TMEM114: variants seen among roughly 807,000 people sequenced by gnomAD.
The protein encoded by TMEM114 is claudin-26.
A neutral mutation model predicts 6.2 loss-of-function variants in TMEM114; 6 were observed. The ratio of observed to expected loss-of-function variants is 0.97; its 90% confidence interval spans 0.53 to 1.91. The LOEUF (loss-of-function observed/expected upper bound fraction) is 1.91, where lower values mean the gene tolerates loss of function less well. TMEM114 is among the 40% of genes most tolerant of loss of function. TMEM114 has a pLI of 0.01. For missense variants in TMEM114, 218 were observed against 158.3 expected (o/e 1.38, Z -2.02); for synonymous variants, 104 against 73.0 (o/e 1.42, Z -2.16).
At chr16:8,530,336 G>A in the TMEM114 span, among the ~76,000 whole-genome samples, 8 of 152,160 alleles carry the variant, frequency 5.3e-5, no homozygotes, top group African/African-American at 1.9e-4. Flanking sequence ...TATCCCTGTG[G>A]GACCTTGGAC....
chr16:8,562,600 GTGAGTGAGTGAA>G (rs1471406441), intron 2 of TMEM114, among the ~76,000 whole-genome samples: 70 of 151,196 alleles, frequency 4.6e-4, no homozygotes, highest in Non-Finnish European at 7.2e-4. Context: ...AAGTGAATGA[GTGAGTGAGTGAA>G]TGAGTGAGTG....
chr16:8,568,748 C>T (rs1901626551), downstream of TMEM114, among the ~76,000 whole-genome samples: 1 of 152,230 alleles, frequency 6.6e-6, no homozygotes, highest in African/African-American at 2.4e-5. Context: ...AACAGAATCT[C>T]AGCCATGGTT....
At chr16:8,528,373 T>C in the TMEM114 span, among the ~76,000 whole-genome samples, 1 of 152,210 alleles carries the variant, frequency 6.6e-6, no homozygotes, top group South Asian at 2.1e-4. Context: ...ACCTGGCTCA[T>C]GCACCATGCT....
At chr16:8,561,831 A>C (rs539665507) in intron 2 of TMEM114, among the ~76,000 whole-genome samples, 1 of 152,032 alleles carries the variant, frequency 6.6e-6, no homozygotes, top group African/African-American at 2.4e-5. Context: ...TGAATGAGTG[A>C]GTGAATGAGT....
chr16:8,562,136 ATGAG>A, intron 2 of TMEM114, among the ~76,000 whole-genome samples: 1 of 142,490 alleles, frequency 7.0e-6, no homozygotes. Context: ...GAGTGAGTGA[ATGAG>A]TGAGTTAGTG....
At chr16:8,570,513 G>A (rs1276059675) in intron 3 of TMEM114, among the ~76,000 whole-genome samples, 1 of 152,104 alleles carries the variant, frequency 6.6e-6, no homozygotes, top group East Asian at 1.9e-4. Context: ...TGTATTTTTA[G>A]TAGAGACAGG....
At chr16:8,567,907 C>T (rs1347054580), downstream of TMEM114, among the ~76,000 whole-genome samples, 1 of 152,194 alleles carries the variant, frequency 6.6e-6, no homozygotes, top group Non-Finnish European at 1.5e-5. Flanking sequence ...GATTTTCCAA[C>T]AGCGCTCATT....
intron 2 of TMEM114, among the ~76,000 whole-genome samples, chr16:8,586,680 T>C (rs1189537927): frequency 9.9e-5 from 15 of 152,132 alleles, no homozygotes; most frequent in Non-Finnish European, 1.9e-4. Flanking sequence ...GGGCTAATTT[T>C]TGTATTTTTA....
intron 2 of TMEM114, among the ~76,000 whole-genome samples, chr16:8,555,365 G>C (rs1431307815): frequency 6.6e-6 from 1 of 152,238 alleles, no homozygotes. Flanking sequence ...TGTGCTAAGA[G>C]TAGCAGCTCA....
chr16:8,561,904 GTGAA>G (rs913910090), intron 2 of TMEM114, among the ~76,000 whole-genome samples: 5 of 73,166 alleles, frequency 6.8e-5, no homozygotes, highest in Non-Finnish European at 1.4e-4. Context: ...GAGTAAATGA[GTGAA>G]TGAATGAGTA....
chr16:8,540,216 T>C (rs551509290), intron 2 of TMEM114, among the ~76,000 whole-genome samples: 15 of 152,318 alleles, frequency 9.8e-5, no homozygotes, highest in African/African-American at 3.6e-4. Context: ...AATATATATA[T>C]AGCACTTGGC....
At chr16:8,541,520 C>A (rs949539260) in intron 2 of TMEM114, among the ~76,000 whole-genome samples, 1 of 152,120 alleles carries the variant, frequency 6.6e-6, no homozygotes, top group Admixed American at 6.6e-5. Context: ...CTCAGTGTAA[C>A]CAGGAGATCA....
At chr16:8,556,546 G>T (rs1901015142) in intron 2 of TMEM114, among the ~76,000 whole-genome samples, 1 of 152,118 alleles carries the variant, frequency 6.6e-6, no homozygotes, top group African/African-American at 2.4e-5. Flanking sequence ...TTGTTGCCCA[G>T]GCTGGAGTGC....
downstream of TMEM114, among the ~76,000 whole-genome samples, chr16:8,564,638 T>G (rs1596481076): frequency 6.7e-6 from 1 of 149,514 alleles, no homozygotes; most frequent in African/African-American, 2.5e-5. Context: ...AGTGAGTGAA[T>G]GAGTGAGTAA....
At chr16:8,567,758 C>T (rs1410118524), downstream of TMEM114, among the ~76,000 whole-genome samples, 2 of 152,186 alleles carry the variant, frequency 1.3e-5, no homozygotes. Context: ...GAAAACGTGT[C>T]TCTTGACGAA....
rs1567213164 is a variant in TMEM114, at chr16:8,589,827, G to A, written c.12C>T (p.His4=). The change falls in exon 1 of 4, where the codon CAC becomes CAT. Residue 4 remains histidine, a synonymous_variant. Coordinates refer to ENST00000620492, the MANE Select transcript of TMEM114 (RefSeq NM_001146336.2). MRV[H]LGGLAGAAAL... Reference sequence around the variant, plus strand: ...CAGCCGCGCCGGCCAGCCCGCCCAGGTGCACCCGCATCGCCGAGCCCAGGA... The same window carrying A: ...CAGCCGCGCCGGCCAGCCCGCCCAGATGCACCCGCATCGCCGAGCCCAGGA... 2.5e-6 allele frequency: 1 copy of A among 398,188 alleles called. No individual in the cohort carries two copies. The highest frequency in any genetic ancestry group is 4.4e-6 in the Non-Finnish European group (1 of 225,840). 24.7% of individuals were successfully genotyped at this position (398,188 alleles called of 1,614,324 possible).
In TMEM114 at chr16:8,559,752, C is replaced by T. The variant is rs182604503; in HGVS notation, n.213-21926G>A. 8.4e-4 allele frequency among the ~76,000 whole-genome samples: 128 copies of T among 152,278 alleles called. 1 individual carries two copies. Among genetic ancestry groups the T allele is most frequent in the African/African-American group, 2.9e-3 (119 of 41,548 alleles). On this transcript the variant is annotated intron_variant and non_coding_transcript_variant, in intron 2 of 2. Transcript: ENST00000623677. ...AGAAGGTGGCTGAGCCCTGCAGTTG[C>T]GATGCTGCCGACTTCGTTCTGCTGA...
downstream of TMEM114, among the ~76,000 whole-genome samples, chr16:8,532,661 A>ACG (rs1221033808): frequency 2.0e-5 from 3 of 152,216 alleles, no homozygotes; most frequent in African/African-American, 7.2e-5. Flanking sequence ...ACAGTGGCTC[A>ACG]CGCCTGTAAT....
intron 2 of TMEM114, among the ~76,000 whole-genome samples, chr16:8,553,718 T>A (rs147902391): frequency 0.014 from 2,154 of 152,138 alleles, 63 homozygotes; most frequent in African/African-American, 0.049. Flanking sequence ...CCTGACCTCA[T>A]GGTCCGCCCA....
Sources: allele counts gnomAD v4.1 joint callset (sites outside exome capture counted in the v4.1 genomes callset), GRCh38; gene constraint gnomAD v4.1.1; transcripts MANE v1.5; gene names NCBI Gene and HGNC (gene_info 2026-07-23, HGNC 2026-07-21).